The following AGBL4 variants were observed in gnomAD, a reference collection of about 807,000 sequenced individuals.
The protein encoded by AGBL4 is AGBL carboxypeptidase 4, also known as cytosolic carboxypeptidase 6.
A neutral mutation model predicts 66.4 loss-of-function variants in AGBL4; 58 were observed. The observed-to-expected ratio is 0.87, with a 90% CI of 0.71 to 1.09. AGBL4 has a LOEUF of 1.09. AGBL4 is among the 50% of genes least tolerant of loss of function. The pLI is 0.00. For synonymous variants in AGBL4, 234 were observed against 222.9 expected (o/e 1.05, Z -0.44); for missense variants, 579 against 631.0 (o/e 0.92, Z 0.88).
intron 4 of AGBL4, among the ~76,000 whole-genome samples, chr1:49,180,632 A>G (rs1381369536): frequency 6.6e-6 from 1 of 152,196 alleles, no homozygotes; most frequent in Non-Finnish European, 1.5e-5. Flanking sequence ...TATCTAGTAC[A>G]GAAGATACTG....
intron 4 of AGBL4, among the ~76,000 whole-genome samples, chr1:49,245,390 GAAAAA>G (rs542062795): frequency 7.2e-6 from 1 of 139,250 alleles, no homozygotes; most frequent in Non-Finnish European, 1.6e-5. Context: ...CTTAGGCTAG[GAAAAA>G]AAAAAAGAAC....
intron 3 of AGBL4, among the ~76,000 whole-genome samples, chr1:49,605,058 T>G (rs923579132): frequency 6.6e-6 from 1 of 152,140 alleles, no homozygotes; most frequent in South Asian, 2.1e-4. Flanking sequence ...GACAAAGATA[T>G]TTTATCTCTA....
intron 6 of AGBL4, among the ~76,000 whole-genome samples, chr1:48,804,834 A>G (rs896841395): frequency 1.3e-5 from 2 of 152,234 alleles, no homozygotes; most frequent in African/African-American, 4.8e-5. Context: ...CAGCAATGGC[A>G]AAATCATAGG....
At chr1:48,679,940 C>G (rs1646428828) in intron 6 of AGBL4, among the ~76,000 whole-genome samples, 1 of 152,242 alleles carries the variant, frequency 6.6e-6, no homozygotes, top group Admixed American at 6.5e-5. Flanking sequence ...TGCTATACCT[C>G]TCCTGTGCCA....
intron 1 of AGBL4, among the ~76,000 whole-genome samples, chr1:49,950,944 A>G (rs1656105640): frequency 6.6e-6 from 1 of 151,938 alleles, no homozygotes; most frequent in Non-Finnish European, 1.5e-5. Context: ...AACATAGATG[A>G]ACCTAGAGGA....
At chr1:49,199,764 T>C (rs354164) in intron 4 of AGBL4, among the ~76,000 whole-genome samples, 47,762 of 151,980 alleles carry the variant, frequency 0.31, 8,235 homozygotes, top group East Asian at 0.72. Context: ...TATTTAACCA[T>C]GATGTTCAAC....
At chr1:48,959,929 G>A (rs1482613958) in intron 5 of AGBL4, among the ~76,000 whole-genome samples, 1 of 152,186 alleles carries the variant, frequency 6.6e-6, no homozygotes, top group African/African-American at 2.4e-5. Flanking sequence ...GTTTGGATGA[G>A]TGAGATGAGA....
At chr1:48,574,080 A>G (rs1034376863) in intron 11 of AGBL4, among the ~76,000 whole-genome samples, 6 of 152,244 alleles carry the variant, frequency 3.9e-5, no homozygotes, top group African/African-American at 1.4e-4. Context: ...GGCATCTGTT[A>G]TATCTCAGCT....
intron 1 of AGBL4, among the ~76,000 whole-genome samples, chr1:49,929,066 C>T (rs1653075331): frequency 6.6e-6 from 1 of 152,030 alleles, no homozygotes; most frequent in Non-Finnish European, 1.5e-5. Flanking sequence ...AATGCAGATA[C>T]AGAAAACCAA....
In AGBL4 at chr1:48,955,689, C is replaced by T. The variant is rs150123936; in HGVS notation, c.595-88459G>A. On this transcript the variant is annotated intron_variant, in intron 5 of 13. Coordinates refer to ENST00000371839, the MANE Select transcript of AGBL4 (RefSeq NM_032785.4). The stretch of plus-strand genomic sequence containing the variant: ...TGAGCCACTATGCCTGGCCCCTGGG[C>T]CTCTAGTTTGTTTACCTTGGTATAA... Among the ~76,000 whole-genome samples the T allele has an allele frequency of 1.1e-4, 16 of 152,206 alleles. No individual in the cohort carries two copies. In the East Asian group the frequency reaches 1.7e-3, roughly 17 times the overall value.
At chr1:49,460,993 T>C (rs1490189526) in intron 3 of AGBL4, among the ~76,000 whole-genome samples, 1 of 151,706 alleles carries the variant, frequency 6.6e-6, no homozygotes, top group African/African-American at 2.4e-5. Context: ...TTTTCCTTTG[T>C]AGGGTACCTG....
At chr1:49,864,781 G>A (rs1646661436) in intron 1 of AGBL4, among the ~76,000 whole-genome samples, 2 of 152,188 alleles carry the variant, frequency 1.3e-5, no homozygotes, top group Admixed American at 1.3e-4. Context: ...AGTTCCTGGA[G>A]AAATGGGTGG....
intron 5 of AGBL4, among the ~76,000 whole-genome samples, chr1:49,027,512 A>C (rs1663813355): frequency 6.6e-6 from 1 of 152,090 alleles, no homozygotes; most frequent in Non-Finnish European, 1.5e-5. Context: ...AAGCCATTTG[A>C]ACCATGACCT....
chr1:49,407,683 A>G (rs1490921840), intron 3 of AGBL4, among the ~76,000 whole-genome samples: 1 of 152,218 alleles, frequency 6.6e-6, no homozygotes, highest in Non-Finnish European at 1.5e-5. Context: ...TGAAAAAAAA[A>G]GAGGAACACT....
chr1:48,782,314 T>C (rs1221353301), intron 6 of AGBL4, among the ~76,000 whole-genome samples: 4 of 152,232 alleles, frequency 2.6e-5, no homozygotes, highest in Non-Finnish European at 5.9e-5. Flanking sequence ...CACTCCACTC[T>C]CCTGTTGAGT....
chr1:49,278,078 A>G (rs1235175156), intron 3 of AGBL4, among the ~76,000 whole-genome samples: 3 of 152,210 alleles, frequency 2.0e-5, no homozygotes, highest in Non-Finnish European at 4.4e-5. Context: ...TCTCACAGAA[A>G]TTAACCATGA....
intron 1 of AGBL4, among the ~76,000 whole-genome samples, chr1:49,853,011 T>C (rs1646343352): frequency 6.6e-6 from 1 of 152,192 alleles, no homozygotes; most frequent in African/African-American, 2.4e-5. Context: ...TATCCATTTA[T>C]AGTAACAAAT....
intron 4 of AGBL4, among the ~76,000 whole-genome samples, chr1:49,119,896 G>T (rs893390623): frequency 1.7e-4 from 26 of 152,160 alleles, no homozygotes; most frequent in Non-Finnish European, 1.0e-4. Context: ...AGGATAGTTA[G>T]CTCTTCTTAT....
At position 49,136,071 on chromosome 1, in the gene AGBL4, C is replaced by A. The variant is rs190649003; in HGVS notation, c.378-90271G>T. Among the ~76,000 whole-genome samples the A allele has an allele frequency of 1.3e-5, 2 of 152,140 alleles. 1 individual carries two copies. Among genetic ancestry groups the A allele is most frequent in the East Asian group, 3.9e-4 (2 of 5,178 alleles). ...ACAGTAATTGTGAAAAATATGGCAT[C>A]CAAAACTGTAAAGAAATATGTTTAT... On this transcript the variant is annotated intron_variant, in intron 4 of 13. Coordinates refer to ENST00000371839, the MANE Select transcript of AGBL4 (RefSeq NM_032785.4).
Sources: gnomAD v4.1 joint callset for allele counts (sites outside exome capture counted in the v4.1 genomes callset) on GRCh38, gnomAD v4.1.1 for gene constraint, MANE v1.5 for transcripts, NCBI Gene and HGNC (gene_info 2026-07-23, HGNC 2026-07-21) for gene names.